HCN1: variants seen among roughly 807,000 people sequenced by gnomAD.
The protein encoded by HCN1 is potassium/sodium hyperpolarization-activated cyclic nucleotide-gated channel 1.
In HCN1, 13 loss-of-function variants were observed where a neutral mutation model predicts 78.9. That is an observed-to-expected ratio of 0.16 (90% confidence interval 0.11 to 0.26). The LOEUF is 0.26. HCN1 is among the 10% of genes least tolerant of loss of function. The pLI is 1.00. For missense variants in HCN1, 810 were observed against 1,154.3 expected (o/e 0.70, Z 4.32); for synonymous variants, 552 against 455.5 (o/e 1.21, Z -2.70).
At chr5:45,581,587 T>C (rs1331003749) in intron 2 of HCN1, among the ~76,000 whole-genome samples, 1 of 152,198 alleles carries the variant, frequency 6.6e-6, no homozygotes, top group African/African-American at 2.4e-5. Context: ...AAACATGAAG[T>C]CCTTGCCCAT....
rs1482650150 is a variant in HCN1, at chr5:45,343,096, G to T, written c.1377+10004C>A. 2.0e-5 allele frequency among the ~76,000 whole-genome samples: 3 copies of T among 152,102 alleles called. No homozygotes were observed. The East Asian group carries it at 5.8e-4, about 29-fold the overall frequency. ...GGAGAGACATTTCTGGAACACATGT[G>T]GTAAAGGTGAGAAATCATAACTGAT... On this transcript the variant is annotated intron_variant, in intron 5 of 7. Transcript: ENST00000303230.
chr5:45,395,170 G>T (rs931917575), intron 4 of HCN1, among the ~76,000 whole-genome samples: 3 of 151,768 alleles, frequency 2.0e-5, no homozygotes, highest in East Asian at 3.9e-4. Context: ...AAAAAAAAAA[G>T]TGTGAAAGGG....
At chr5:45,304,831 A>T (rs1436626866) in intron 5 of HCN1, among the ~76,000 whole-genome samples, 1 of 152,150 alleles carries the variant, frequency 6.6e-6, no homozygotes, top group East Asian at 1.9e-4. Context: ...TTCCAGGATC[A>T]GGCCAATTCT....
chr5:45,466,631 TA>T (rs200304748), intron 2 of HCN1, among the ~76,000 whole-genome samples: 1 of 151,994 alleles, frequency 6.6e-6, no homozygotes, highest in Non-Finnish European at 1.5e-5. Flanking sequence ...GACACAAAAT[TA>T]AAAAAACAGC....
chr5:45,597,917 A>C (rs940509216), intron 2 of HCN1, among the ~76,000 whole-genome samples: 8 of 152,298 alleles, frequency 5.3e-5, no homozygotes, highest in Admixed American at 4.6e-4. Flanking sequence ...ATAAAAGAGG[A>C]CACAAACAAA....
intron 3 of HCN1, among the ~76,000 whole-genome samples, chr5:45,401,046 C>T (rs563283105): frequency 5.3e-5 from 8 of 152,218 alleles, no homozygotes; most frequent in African/African-American, 1.9e-4. Context: ...CAGCTTTTGC[C>T]ACTACAAACT....
At chr5:45,359,329 C>T (rs1747066396) in intron 4 of HCN1, among the ~76,000 whole-genome samples, 1 of 150,884 alleles carries the variant, frequency 6.6e-6, no homozygotes, top group African/African-American at 2.4e-5. Context: ...ACTTTAAGTT[C>T]ATGATTCTAT....
chr5:45,678,949 G>A (rs1739651661), intron 1 of HCN1, among the ~76,000 whole-genome samples: 1 of 151,944 alleles, frequency 6.6e-6, no homozygotes, highest in Non-Finnish European at 1.5e-5. Context: ...CCAGAAAATT[G>A]TAGCCAATCT....
intron 2 of HCN1, among the ~76,000 whole-genome samples, chr5:45,611,673 C>T (rs900116770): frequency 1.3e-5 from 2 of 151,930 alleles, no homozygotes; most frequent in African/African-American, 4.8e-5. Flanking sequence ...TATATTGTAC[C>T]ACTACAGTAG....
At chr5:45,390,867 T>C (rs1739541332) in intron 4 of HCN1, among the ~76,000 whole-genome samples, 1 of 152,126 alleles carries the variant, frequency 6.6e-6, no homozygotes. Context: ...AAAGCAACAT[T>C]GTTGTACCAG....
chr5:45,547,883 A>C (rs1397426566), intron 2 of HCN1, among the ~76,000 whole-genome samples: 1 of 151,954 alleles, frequency 6.6e-6, no homozygotes, highest in African/African-American at 2.4e-5. Context: ...GATTATATTG[A>C]TATGTTAATC....
intron 7 of HCN1, among the ~76,000 whole-genome samples, chr5:45,264,313 T>G (rs1202487504): frequency 1.3e-5 from 2 of 152,118 alleles, no homozygotes; most frequent in Non-Finnish European, 1.5e-5. Context: ...TACTAGACAG[T>G]CTCTGGCATA....
chr5:45,503,398 AAG>A (rs1261952996), intron 2 of HCN1, among the ~76,000 whole-genome samples: 1 of 152,206 alleles, frequency 6.6e-6, no homozygotes, highest in African/African-American at 2.4e-5. Context: ...AGAAGAGAAA[AAG>A]AAAGAAACAG....
chr5:45,348,944 G>T (rs965250474), intron 5 of HCN1, among the ~76,000 whole-genome samples: 2 of 152,164 alleles, frequency 1.3e-5, no homozygotes, highest in Admixed American at 6.5e-5. Flanking sequence ...ACACCCCACT[G>T]TCAACATTAG....
chr5:45,367,039 A>G (rs1747252703), intron 4 of HCN1, among the ~76,000 whole-genome samples: 1 of 151,764 alleles, frequency 6.6e-6, no homozygotes, highest in Non-Finnish European at 1.5e-5. Flanking sequence ...TGCTAATCCA[A>G]TGGGGGAAGT....
At chr5:45,421,313 G>A (rs1740223742) in intron 3 of HCN1, among the ~76,000 whole-genome samples, 1 of 152,018 alleles carries the variant, frequency 6.6e-6, no homozygotes, top group African/African-American at 2.4e-5. Flanking sequence ...CCACCCGCCT[G>A]GGCCTCCCAA....
At chr5:45,349,464 C>T (rs1579830613) in intron 5 of HCN1, among the ~76,000 whole-genome samples, 1 of 152,032 alleles carries the variant, frequency 6.6e-6, no homozygotes, top group South Asian at 2.1e-4. Flanking sequence ...ATTAAAAGAA[C>T]TAGAAAAGCA....
At chr5:45,286,158 A>G (rs973885895) in intron 6 of HCN1, among the ~76,000 whole-genome samples, 5 of 152,016 alleles carry the variant, frequency 3.3e-5, no homozygotes, top group Admixed American at 3.3e-4. Flanking sequence ...GTCTTCTCTC[A>G]GTGGCAAATC....
chr5:45,352,141 G>T (rs1298969507), intron 5 of HCN1, among the ~76,000 whole-genome samples: 1 of 152,146 alleles, frequency 6.6e-6, no homozygotes, highest in Non-Finnish European at 1.5e-5. Context: ...GTCCAACAAG[G>T]ATAGACTGGA....
Sources: gnomAD v4.1 joint callset for allele counts (sites outside exome capture counted in the v4.1 genomes callset) on GRCh38, gnomAD v4.1.1 for gene constraint, MANE v1.5 for transcripts, NCBI Gene and HGNC (gene_info 2026-07-23, HGNC 2026-07-21) for gene names.